The following CHRM3 variants were observed in gnomAD, a reference collection of about 807,000 sequenced individuals.
The protein encoded by CHRM3 is cholinergic receptor muscarinic 3.
CHRM3 carries 11 observed loss-of-function variants against 41.8 expected under a neutral mutation model. The observed-to-expected ratio is 0.26, with a 90% confidence interval of 0.17 to 0.44. The LOEUF (loss-of-function observed/expected upper bound fraction) is 0.44, where lower values mean the gene tolerates loss of function less well. Ranked by LOEUF, CHRM3 falls within the 20% of genes least tolerant of loss-of-function variation. The probability of loss-of-function intolerance (pLI) is 1.00; values close to 1 mark genes in which losing one functional copy is unlikely to be tolerated. For synonymous variants in CHRM3, 297 were observed against 301.4 expected, an observed-to-expected ratio of 0.99 and a Z score of 0.15; for missense variants, 571 against 745.4, an observed-to-expected ratio of 0.77 and a Z score of 2.72.
intron 6 of CHRM3, among the ~76,000 whole-genome samples, chr1:239,859,317 G>A (rs1039237007): frequency 2.6e-5 from 4 of 151,662 alleles, no homozygotes; most frequent in Admixed American, 2.0e-4. Flanking sequence ...CCATAAAGTG[G>A]TATCTCACTG....
At chr1:239,485,369 C>A (rs982847446) in intron 1 of CHRM3, among the ~76,000 whole-genome samples, 1 of 152,190 alleles carries the variant, frequency 6.6e-6, no homozygotes, top group Non-Finnish European at 1.5e-5. Flanking sequence ...GCAATCATGA[C>A]TCACTGCAGC....
intron 2 of CHRM3, among the ~76,000 whole-genome samples, chr1:239,502,505 TCAAAGAAGAATTG>T (rs1272524312): frequency 4.6e-5 from 7 of 152,012 alleles, no homozygotes; most frequent in African/African-American, 9.7e-5. Flanking sequence ...TCCCACACAT[TCAAAGAAGAATTG>T]GTACCAATCC....
chr1:239,670,258 C>A (rs1043995566), intron 4 of CHRM3, among the ~76,000 whole-genome samples: 1 of 152,134 alleles, frequency 6.6e-6, no homozygotes, highest in African/African-American at 2.4e-5. Context: ...CATGCCACCC[C>A]CACCCCAAGC....
At chr1:239,497,514 T>C in intron 2 of CHRM3, among the ~76,000 whole-genome samples, 1 of 152,320 alleles carries the variant, frequency 6.6e-6, no homozygotes. Context: ...TAGAAGTAGA[T>C]CATACTATCT....
chr1:239,808,821 G>A (rs1282027565), intron 5 of CHRM3, among the ~76,000 whole-genome samples: 3 of 152,118 alleles, frequency 2.0e-5, no homozygotes, highest in Non-Finnish European at 2.9e-5. Context: ...CATCAGAAAC[G>A]ACTGCTTGTA....
Position 239,726,143 on chromosome 1 carries a change from C to T in CHRM3, c.-147+47855C>T, listed in dbSNP as rs114218593. Reference sequence around the variant, plus strand: ...GTAATTCCAACAATGCCTTTGGAACCGCCAAGGCCCTTTTCTGAAAAGCGT... The same window carrying T: ...GTAATTCCAACAATGCCTTTGGAACTGCCAAGGCCCTTTTCTGAAAAGCGT... On this transcript the variant is annotated intron_variant, in intron 5 of 6. Coordinates refer to ENST00000676153, the MANE Select transcript of CHRM3 (RefSeq NM_001375978.1). Among the ~76,000 whole-genome samples, 568 of 151,978 alleles carry T rather than the reference C, an allele frequency of 3.7e-3. 4 individuals carry two copies. The highest frequency in any genetic ancestry group is 0.013 in the African/African-American group (543 of 41,490).
chr1:239,387,864 G>A lies in CHRM3; in HGVS notation c.-521+637G>A, dbSNP rs1381289214. ...TAGTGCGCATCTTTACTGACCCGGG[G>A]AGAGTCTGCACTCGCGAGGCAGCGG... is the stretch of plus-strand genomic sequence containing the variant. On this transcript the variant is annotated intron_variant, in intron 1 of 6. Transcript: ENST00000676153. The surrounding 1 kb of genome is among the most constrained non-coding windows in gnomAD (Gnocchi z 5.1). 6.6e-6 allele frequency among the ~76,000 whole-genome samples: 1 copy of A among 152,168 alleles called. No individual in the cohort carries two copies. The highest frequency in any genetic ancestry group is 1.5e-5 in the Non-Finnish European group (1 of 68,028).
intron 1 of CHRM3, among the ~76,000 whole-genome samples, chr1:239,445,130 C>T (rs953503212): frequency 1.3e-5 from 2 of 152,170 alleles, no homozygotes; most frequent in Non-Finnish European, 2.9e-5. Context: ...GAACCATGCA[C>T]ATGTGGAATA....
chr1:239,642,817 G>T (rs866081830), intron 4 of CHRM3, among the ~76,000 whole-genome samples: 2 of 152,182 alleles, frequency 1.3e-5, no homozygotes, highest in Non-Finnish European at 1.5e-5. Flanking sequence ...GAGGAGCTGC[G>T]TTCCTTTGGA....
At chr1:239,745,750 A>G (rs1430355366) in intron 5 of CHRM3, among the ~76,000 whole-genome samples, 1 of 152,194 alleles carries the variant, frequency 6.6e-6, no homozygotes, top group African/African-American at 2.4e-5. Flanking sequence ...ATTATGCTCT[A>G]TCAAAAATTA....
chr1:239,471,418 G>C (rs769779187), intron 1 of CHRM3, among the ~76,000 whole-genome samples: 27 of 152,214 alleles, frequency 1.8e-4, no homozygotes, highest in African/African-American at 6.5e-4. Flanking sequence ...CCTGAGAAAC[G>C]CTGACTCCCC....
chr1:239,803,115 C>T (rs565349804), intron 5 of CHRM3, among the ~76,000 whole-genome samples: 1 of 152,270 alleles, frequency 6.6e-6, no homozygotes, highest in Admixed American at 6.5e-5. Flanking sequence ...AAAATACTCT[C>T]AAACCCTTTT....
At chr1:239,857,398 C>T (rs1454478135) in intron 6 of CHRM3, among the ~76,000 whole-genome samples, 1 of 151,980 alleles carries the variant, frequency 6.6e-6, no homozygotes, top group Non-Finnish European at 1.5e-5. Context: ...TATGATACTA[C>T]CACGAATAAG....
intron 4 of CHRM3, among the ~76,000 whole-genome samples, chr1:239,654,430 A>G (rs1456980497): frequency 6.6e-6 from 1 of 151,950 alleles, no homozygotes; most frequent in African/African-American, 2.4e-5. Context: ...ACGGAGTCTC[A>G]CTCTGTCACC....
intron 6 of CHRM3, among the ~76,000 whole-genome samples, chr1:239,876,587 T>A (rs1286683047): frequency 6.6e-6 from 1 of 152,106 alleles, no homozygotes; most frequent in Non-Finnish European, 1.5e-5. Flanking sequence ...TAGATATACA[T>A]CTCCACTGTG....
At chr1:239,557,508 T>C (rs1558317161) in intron 3 of CHRM3, among the ~76,000 whole-genome samples, 1 of 152,314 alleles carries the variant, frequency 6.6e-6, no homozygotes, top group South Asian at 2.1e-4. Flanking sequence ...AGGGTACATG[T>C]GCAGGATGTG....
At chr1:239,686,516 A>G (rs1421810901) in intron 5 of CHRM3, among the ~76,000 whole-genome samples, 1 of 152,128 alleles carries the variant, frequency 6.6e-6, no homozygotes, top group Non-Finnish European at 1.5e-5. Flanking sequence ...GGGCAGAGTT[A>G]AAAGTTCTCC....
At chr1:239,853,818 C>T (rs1674890548) in intron 6 of CHRM3, among the ~76,000 whole-genome samples, 2 of 152,048 alleles carry the variant, frequency 1.3e-5, no homozygotes, top group South Asian at 2.1e-4. Flanking sequence ...CATCTTGCCT[C>T]TAAGCCATAA....
intron 2 of CHRM3, among the ~76,000 whole-genome samples, chr1:239,510,557 G>A (rs1796834): frequency 0.55 from 83,023 of 150,206 alleles, 23,342 homozygotes; most frequent in Middle Eastern, 0.64. Flanking sequence ...TTTTTTTGAG[G>A]CAGAGTTTCG....
Sources: gnomAD v4.1 joint callset for allele counts (sites outside exome capture counted in the v4.1 genomes callset) on GRCh38, gnomAD v4.1.1 for gene constraint, Gnocchi (gnomAD v3.1) non-coding constraint, MANE v1.5 for transcripts, NCBI Gene and HGNC (gene_info 2026-07-23, HGNC 2026-07-21) for gene names.